Variants in REDIC1 observed in about 807,000 individuals in gnomAD.
The protein encoded by REDIC1 is HEI10 Interacting Protein 1.
At chr12:39,828,570 A>G in the REDIC1 span, among the ~76,000 whole-genome samples, 1 of 152,262 alleles carries the variant, frequency 6.6e-6, no homozygotes, top group East Asian at 1.9e-4. Context: ...TAAGAGAAAC[A>G]TCTAATTTTA....
At chr12:39,712,374 AT>A in the REDIC1 span, among the ~76,000 whole-genome samples, 1 of 139,022 alleles carries the variant, frequency 7.2e-6, no homozygotes, top group Non-Finnish European at 1.6e-5. Flanking sequence ...ACATATGTAT[AT>A]ATACCTATAT....
At chr12:39,685,585 A>C in the REDIC1 span, among the ~76,000 whole-genome samples, 1 of 152,102 alleles carries the variant, frequency 6.6e-6, no homozygotes, top group Non-Finnish European at 1.5e-5. Context: ...CAGGATTATA[A>C]TTTGACATGA....
chr12:39,882,297 G>C, the REDIC1 span, among the ~76,000 whole-genome samples: 1 of 152,138 alleles, frequency 6.6e-6, no homozygotes, highest in African/African-American at 2.4e-5. Flanking sequence ...CTAGGACCAA[G>C]AATTTGCCTT....
At chr12:39,729,666 C>T in the REDIC1 span, among the ~76,000 whole-genome samples, 1 of 152,120 alleles carries the variant, frequency 6.6e-6, no homozygotes, top group African/African-American at 2.4e-5. Flanking sequence ...CTGTAGATGT[C>T]TATTAGGTCC....
At chr12:39,833,914 A>G in the REDIC1 span, among the ~76,000 whole-genome samples, 2 of 150,554 alleles carry the variant, frequency 1.3e-5, no homozygotes, top group African/African-American at 2.4e-5. Flanking sequence ...AAAAAAAAAA[A>G]TCTCTGACCT....
chr12:39,896,534 ATGTATG>A, the REDIC1 span, among the ~76,000 whole-genome samples: 2 of 141,112 alleles, frequency 1.4e-5, no homozygotes, highest in East Asian at 4.2e-4. Context: ...GTATACATGT[ATGTATG>A]TATGTGTGTA....
At chr12:39,676,000 A>G in the REDIC1 span, among the ~76,000 whole-genome samples, 1 of 152,192 alleles carries the variant, frequency 6.6e-6, no homozygotes, top group Non-Finnish European at 1.5e-5. Context: ...CCAAATGAGA[A>G]GGAACCAGAA....
At chr12:39,664,495 T>A in the REDIC1 span, among the ~76,000 whole-genome samples, 1 of 152,224 alleles carries the variant, frequency 6.6e-6, no homozygotes, top group Admixed American at 6.5e-5. Context: ...TTTGGGTTGG[T>A]TCCACGTCTT....
the REDIC1 span, among the ~76,000 whole-genome samples, chr12:39,809,396 A>C: frequency 6.6e-6 from 1 of 152,132 alleles, no homozygotes; most frequent in Non-Finnish European, 1.5e-5. Flanking sequence ...TTGCATTTCT[A>C]TATAAATTTC....
At chr12:39,896,323 T>C in the REDIC1 span, among the ~76,000 whole-genome samples, 2 of 85,790 alleles carry the variant, frequency 2.3e-5, no homozygotes, top group East Asian at 9.9e-4. Context: ...TATGTATGTA[T>C]ATGTGTATAT....
At chr12:39,684,807 GA>G in the REDIC1 span, 3 of 1,260,746 alleles carry the variant, frequency 2.4e-6, no homozygotes, top group Non-Finnish European at 3.4e-6. Flanking sequence ...CTCTAATTTA[GA>G]ACAATAATTC....
the REDIC1 span, among the ~76,000 whole-genome samples, chr12:39,859,735 C>T: frequency 3.3e-5 from 5 of 152,014 alleles, no homozygotes; most frequent in Non-Finnish European, 5.9e-5. Flanking sequence ...CCATGTTGGC[C>T]GGGCTGGTCT....
At chr12:39,659,625 G>A in the REDIC1 span, among the ~76,000 whole-genome samples, 2 of 151,808 alleles carry the variant, frequency 1.3e-5, no homozygotes, top group South Asian at 2.1e-4. Context: ...TATCTTCCAT[G>A]TATCTATTAG....
the REDIC1 span, among the ~76,000 whole-genome samples, chr12:39,751,929 C>T: frequency 6.6e-6 from 1 of 152,154 alleles, no homozygotes; most frequent in Non-Finnish European, 1.5e-5. Flanking sequence ...GGAGGGAAAG[C>T]ATTAGGAGAT....
the REDIC1 span, among the ~76,000 whole-genome samples, chr12:39,895,837 T>TGTATATGCGTGTATAC: frequency 9.9e-3 from 561 of 56,706 alleles, 178 homozygotes; most frequent in African/African-American, 0.035. Context: ...TGCGTGTATA[T>TGTATATGCGTGTATAC]GCACACACAT....
chr12:39,679,934 G>A, the REDIC1 span, among the ~76,000 whole-genome samples: 2 of 152,104 alleles, frequency 1.3e-5, no homozygotes, highest in South Asian at 4.2e-4. Flanking sequence ...TAGTTGGCAA[G>A]CCACATGTAG....
At chr12:39,656,256 G>C in the REDIC1 span, among the ~76,000 whole-genome samples, 3 of 152,178 alleles carry the variant, frequency 2.0e-5, no homozygotes, top group Admixed American at 1.3e-4. Context: ...TGTATAGAAA[G>C]CATATACAGT....
At chr12:39,646,777 T>C in the REDIC1 span, 19 of 1,115,434 alleles carry the variant, frequency 1.7e-5, no homozygotes, top group Non-Finnish European at 2.2e-5. Context: ...ATTTTAAATA[T>C]AGGAAAGGAC....
chr12:39,810,445 G>GTA, the REDIC1 span, among the ~76,000 whole-genome samples: 2 of 152,072 alleles, frequency 1.3e-5, no homozygotes, highest in African/African-American at 4.8e-5. Context: ...TGAAAATAGA[G>GTA]TATATATTCC....
Sources: allele counts gnomAD v4.1 joint callset (sites outside exome capture counted in the v4.1 genomes callset), GRCh38; gene constraint gnomAD v4.1.1; transcripts MANE v1.5; gene names NCBI Gene and HGNC (gene_info 2026-07-23, HGNC 2026-07-21).